Variants in FAF1 observed in about 807,000 individuals in gnomAD.
FAF1 encodes the protein Fas associated factor 1.
Under a neutral mutation model 92.5 loss-of-function variants are expected in FAF1, and 25 were observed. The observed-to-expected ratio is 0.27, with a 90% confidence interval of 0.20 to 0.38. The LOEUF (loss-of-function observed/expected upper bound fraction) is 0.38, where lower values mean the gene tolerates loss of function less well. FAF1 is among the 10% of genes least tolerant of loss of function. The pLI is 1.00. For missense variants in FAF1, 636 were observed against 793.3 expected (o/e 0.80, Z 2.38); for synonymous variants, 234 against 273.2 (o/e 0.86, Z 1.42).
chr1:50,495,215 C>T lies in FAF1; in HGVS notation c.1495-3414G>A, dbSNP rs185899168. On this transcript the variant is annotated intron_variant, in intron 15 of 18. Transcript: ENST00000396153. Reference sequence around the variant, plus strand: ...AAAGGCCAGTGTTATTCACTCTTTCCATATTTTTTGTACCTATTAACCACT... The same window carrying T: ...AAAGGCCAGTGTTATTCACTCTTTCTATATTTTTTGTACCTATTAACCACT... 1.4e-3 allele frequency among the ~76,000 whole-genome samples: 210 copies of T among 152,188 alleles called. 3 individuals are homozygous for T. Among genetic ancestry groups the T allele is most frequent in the African/African-American group, 5.0e-3 (208 of 41,530 alleles).
At chr1:50,738,641 T>C (rs2124484893) in intron 6 of FAF1, among the ~76,000 whole-genome samples, 1 of 152,234 alleles carries the variant, frequency 6.6e-6, no homozygotes, top group Middle Eastern at 3.4e-3. Flanking sequence ...AAAATTATAC[T>C]GGAGTTATGC....
At chr1:50,903,343 T>G (rs1007395427) in intron 1 of FAF1, among the ~76,000 whole-genome samples, 1 of 152,212 alleles carries the variant, frequency 6.6e-6, no homozygotes, top group African/African-American at 2.4e-5. Flanking sequence ...TATCTCAAAG[T>G]TCCTGAGATA....
intron 8 of FAF1, among the ~76,000 whole-genome samples, chr1:50,631,541 T>C (rs1053679644): frequency 6.6e-6 from 1 of 152,116 alleles, no homozygotes; most frequent in Non-Finnish European, 1.5e-5. Flanking sequence ...GCAATTCAGA[T>C]ATGACAAAGA....
intron 2 of FAF1, among the ~76,000 whole-genome samples, chr1:50,810,377 C>T (rs1228032277): frequency 6.6e-6 from 1 of 152,132 alleles, no homozygotes; most frequent in Non-Finnish European, 1.5e-5. Flanking sequence ...TAAAATTCAC[C>T]ATCCTTCATG....
rs56743286 is a variant in FAF1 at position 50,471,722 on chromosome 1, T to TA, written c.1869+3741dup. ...TACATATGGGCTATCAGTGGACTCTTAGAGTTCATCTGCCATTCCTCATCC... is the reference window on the plus strand; with the variant it reads ...TACATATGGGCTATCAGTGGACTCTTAAGAGTTCATCTGCCATTCCTCATCC... On this transcript the variant is annotated intron_variant, in intron 18 of 18. Coordinates refer to ENST00000396153, the MANE Select transcript of FAF1 (RefSeq NM_007051.3). Among the ~76,000 whole-genome samples the TA allele has an allele frequency of 2.1e-3, 319 of 152,260 alleles. 2 individuals are homozygous for TA. The highest frequency in any genetic ancestry group is 7.3e-3 in the African/African-American group (302 of 41,562).
At chr1:50,666,841 C>T (rs1327803876) in intron 7 of FAF1, among the ~76,000 whole-genome samples, 1 of 152,150 alleles carries the variant, frequency 6.6e-6, no homozygotes, top group Admixed American at 6.5e-5. Context: ...CGAGGCCACA[C>T]CACACTGCAC....
intron 6 of FAF1, among the ~76,000 whole-genome samples, chr1:50,717,491 T>C (rs921280384): frequency 1.3e-5 from 2 of 152,188 alleles, no homozygotes; most frequent in African/African-American, 4.8e-5. Context: ...TTGTTTAAGC[T>C]ACCCAATAAA....
intron 4 of FAF1, among the ~76,000 whole-genome samples, chr1:50,750,826 C>G (rs1157020738): frequency 6.6e-6 from 1 of 151,286 alleles, no homozygotes; most frequent in Non-Finnish European, 1.5e-5. Context: ...GTTAACCATG[C>G]AGGCCAGGCT....
At chr1:50,660,500 C>CT (rs796515667) in intron 7 of FAF1, among the ~76,000 whole-genome samples, 157 of 144,216 alleles carry the variant, frequency 1.1e-3, no homozygotes, top group Admixed American at 1.1e-3. Flanking sequence ...AGATTTCTTT[C>CT]TTTTTTTTTT....
At chr1:50,617,439 G>T (rs529791426) in intron 8 of FAF1, among the ~76,000 whole-genome samples, 4 of 152,098 alleles carry the variant, frequency 2.6e-5, no homozygotes, top group African/African-American at 9.7e-5. Flanking sequence ...TGTTTATGTG[G>T]TGAATCACAT....
chr1:50,482,768 A>C (rs1458912808), intron 17 of FAF1, among the ~76,000 whole-genome samples: 2 of 152,122 alleles, frequency 1.3e-5, no homozygotes, highest in Non-Finnish European at 2.9e-5. Context: ...TTTTGAGCAT[A>C]TTTTGATGCA....
intron 2 of FAF1, among the ~76,000 whole-genome samples, chr1:50,807,986 T>C (rs1662271443): frequency 6.6e-6 from 1 of 151,826 alleles, no homozygotes; most frequent in Non-Finnish European, 1.5e-5. Context: ...AAGTGAAAGA[T>C]AAAATATTAA....
intron 15 of FAF1, among the ~76,000 whole-genome samples, chr1:50,506,583 T>C (rs1647061307): frequency 6.6e-6 from 1 of 152,228 alleles, no homozygotes; most frequent in Non-Finnish European, 1.5e-5. Context: ...TGTATTATTA[T>C]AATTATATAT....
chr1:50,661,061 T>C (rs1268416921), intron 7 of FAF1, among the ~76,000 whole-genome samples: 1 of 151,818 alleles, frequency 6.6e-6, no homozygotes, highest in Non-Finnish European at 1.5e-5. Flanking sequence ...TAGAAAAAAA[T>C]ATAACAGACA....
At chr1:50,957,378 G>GTT (rs1645276719) in intron 1 of FAF1, among the ~76,000 whole-genome samples, 1 of 61,430 alleles carries the variant, frequency 1.6e-5, no homozygotes, top group African/African-American at 6.2e-5. Flanking sequence ...TTGAGACAGA[G>GTT]TCTCGCTCTG....
At chr1:50,827,338 C>G (rs1008187019) in intron 2 of FAF1, among the ~76,000 whole-genome samples, 1 of 152,158 alleles carries the variant, frequency 6.6e-6, no homozygotes, top group African/African-American at 2.4e-5. Flanking sequence ...CCCCCAACTC[C>G]GTGCCCTCTG....
At chr1:50,909,438 G>A (rs551204265) in intron 1 of FAF1, among the ~76,000 whole-genome samples, 31 of 152,342 alleles carry the variant, frequency 2.0e-4, no homozygotes, top group Non-Finnish European at 3.7e-4. Context: ...CTAGGTTGGG[G>A]AAGTTCTCCT....
chr1:50,479,985 AAAC>A (rs1277106084), intron 17 of FAF1, among the ~76,000 whole-genome samples: 1 of 152,202 alleles, frequency 6.6e-6, no homozygotes, highest in East Asian at 1.9e-4. Flanking sequence ...CACTGTTGTA[AAAC>A]AACAACATAA....
chr1:50,674,718 C>T (rs1031945190), intron 7 of FAF1, among the ~76,000 whole-genome samples: 2 of 152,104 alleles, frequency 1.3e-5, no homozygotes, highest in Non-Finnish European at 1.5e-5. Flanking sequence ...GCCTGGCAAT[C>T]ATAGCCAATG....
Sources: allele counts gnomAD v4.1 joint callset (sites outside exome capture counted in the v4.1 genomes callset), GRCh38; gene constraint gnomAD v4.1.1; transcripts MANE v1.5; gene names NCBI Gene and HGNC (gene_info 2026-07-23, HGNC 2026-07-21).